SLC7A14: variants seen among roughly 807,000 people sequenced by gnomAD.
SLC7A14 encodes the protein solute carrier family 7 member 14.
In SLC7A14, 37 loss-of-function variants were observed where a neutral mutation model predicts 60.2. The ratio of observed to expected loss-of-function variants is 0.61; its 90% CI spans 0.47 to 0.81. SLC7A14 has a LOEUF of 0.81. Ranked by LOEUF, SLC7A14 falls within the 30% of genes least tolerant of loss-of-function variation. The pLI is 0.00. For synonymous variants in SLC7A14, 399 were observed against 395.8 expected (o/e 1.01, Z -0.10); for missense variants, 886 against 982.7 (o/e 0.90, Z 1.32).
At position 170,486,268 on chromosome 3, in the gene SLC7A14, T is replaced by G; in HGVS notation, c.860A>C (p.Tyr287Ser). Reference sequence around the variant, plus strand: ...GATGACCAGGGAGGCAGTGATAGCATAAGGGATGGACGTGTTGGGATTCTT... The same window carrying G: ...GATGACCAGGGAGGCAGTGATAGCAGAAGGGATGGACGTGTTGGGATTCTT... ...EAKNPNTSIP[Y>S]AITASLVICL... The change falls in exon 5 of 8, where the codon TAT becomes TCT. Residue 287 changes from tyrosine (Y) to serine (S), a missense_variant. Physicochemically the swap from Tyr to Ser is moderately radical, Grantham distance 144 (BLOSUM62 -2). Transcript: ENST00000231706. The G allele has an allele frequency of 6.2e-7, 1 of 1,614,104 alleles. No individual in the cohort carries two copies. The highest frequency in any genetic ancestry group is 8.5e-7 in the Non-Finnish European group (1 of 1,180,024).
At position 170,498,772 on chromosome 3, in the gene SLC7A14, A is replaced by G. The variant is rs1056231439; in HGVS notation, c.654T>C (p.Asn218=). ...ACACCCATACTGCCAGGTTCAGCAC[A>G]TTGAGAACATTGTTGAAGCCTATGG... ...KNSIGFNNVL[N]VLNLAVWVFI... is the part of the protein sequence containing the mutation. Residue 218 remains asparagine, a synonymous_variant, in exon 4 of 8, where the codon AAT becomes AAC. Transcript: ENST00000231706. 2.5e-5 allele frequency: 40 copies of G among 1,614,184 alleles called. No homozygotes were observed. The highest frequency in any genetic ancestry group is 3.3e-5 in the Non-Finnish European group (39 of 1,180,030).
At chr3:170,549,361 C>A (rs569883081) in intron 1 of SLC7A14, among the ~76,000 whole-genome samples, 2 of 152,052 alleles carry the variant, frequency 1.3e-5, no homozygotes, top group Non-Finnish European at 2.9e-5. Flanking sequence ...ACTACAGGCG[C>A]GCACCACCAC....
chr3:170,474,009 G>A (rs1035342889), intron 7 of SLC7A14, among the ~76,000 whole-genome samples: 15 of 152,240 alleles, frequency 9.9e-5, no homozygotes, highest in Admixed American at 7.9e-4. Flanking sequence ...ATACATGTCC[G>A]CGTGTCCACC....
intron 1 of SLC7A14, among the ~76,000 whole-genome samples, chr3:170,573,168 T>G (rs1560284841): frequency 6.6e-6 from 1 of 152,214 alleles, no homozygotes; most frequent in Non-Finnish European, 1.5e-5. Flanking sequence ...CAGATCATAG[T>G]GCCCTCTGAA....
chr3:170,552,000 A>G (rs976385024), intron 1 of SLC7A14, among the ~76,000 whole-genome samples: 3 of 152,210 alleles, frequency 2.0e-5, no homozygotes, highest in African/African-American at 7.2e-5. Flanking sequence ...CCAAAATTAC[A>G]AAGACTTATG....
intron 2 of SLC7A14, among the ~76,000 whole-genome samples, chr3:170,525,311 C>T (rs1348742276): frequency 6.6e-6 from 1 of 152,232 alleles, no homozygotes. Flanking sequence ...GAGGAAAAGG[C>T]AATAGGAGAG....
intron 1 of SLC7A14, among the ~76,000 whole-genome samples, chr3:170,536,015 G>A (rs970629746): frequency 6.6e-6 from 1 of 152,266 alleles, no homozygotes; most frequent in Non-Finnish European, 1.5e-5. Flanking sequence ...AACAATACCC[G>A]CTGTGTCTAC....
intron 4 of SLC7A14, chr3:170,496,229 G>A: frequency 1.1e-6 from 1 of 927,482 alleles, no homozygotes; most frequent in South Asian, 1.3e-5. Context: ...TCAAGGCACA[G>A]TAGGAGGAGA....
chr3:170,510,552 T>C (rs1055499946), intron 2 of SLC7A14, among the ~76,000 whole-genome samples: 1 of 152,206 alleles, frequency 6.6e-6, no homozygotes, highest in East Asian at 1.9e-4. Flanking sequence ...GGTCATGCTA[T>C]TGTTAATAAT....
At chr3:170,491,254 A>T (rs1443160970) in intron 4 of SLC7A14, among the ~76,000 whole-genome samples, 1 of 152,214 alleles carries the variant, frequency 6.6e-6, no homozygotes. Context: ...TGAACAAGAG[A>T]AGGGATGGCA....
intron 2 of SLC7A14, among the ~76,000 whole-genome samples, chr3:170,521,360 A>G (rs2108291109): frequency 6.6e-6 from 1 of 152,378 alleles, no homozygotes; most frequent in East Asian, 1.9e-4. Flanking sequence ...TGCTGTCCAA[A>G]TAGTTTCCAT....
At chr3:170,484,842 G>A (rs936091367) in intron 5 of SLC7A14, among the ~76,000 whole-genome samples, 1 of 152,154 alleles carries the variant, frequency 6.6e-6, no homozygotes, top group African/African-American at 2.4e-5. Context: ...TCTGGGGATG[G>A]GGCAGGGTGG....
chr3:170,576,242 T>A (rs1046002678), intron 1 of SLC7A14, among the ~76,000 whole-genome samples: 2 of 152,198 alleles, frequency 1.3e-5, no homozygotes, highest in African/African-American at 4.8e-5. Context: ...AGATTACTGG[T>A]GACTTGAGGC....
At chr3:170,533,061 C>T (rs1361238207) in intron 1 of SLC7A14, among the ~76,000 whole-genome samples, 3 of 151,342 alleles carry the variant, frequency 2.0e-5, no homozygotes, top group Non-Finnish European at 4.4e-5. Context: ...CAGTTGCCAC[C>T]CCATCCCTGA....
intron 2 of SLC7A14, among the ~76,000 whole-genome samples, chr3:170,524,875 G>A (rs984958020): frequency 5.9e-5 from 9 of 152,186 alleles, no homozygotes; most frequent in African/African-American, 2.2e-4. Flanking sequence ...AAAACCAACA[G>A]GAAAGAGAAG....
rs1390922420 is a variant in SLC7A14 at position 170,498,742 on chromosome 3, G to C, written c.684C>G (p.Ile228Met). 3 of 1,614,058 alleles carry C rather than the reference G, an allele frequency of 1.9e-6. No homozygotes were observed. The highest frequency in any genetic ancestry group is 1.3e-5 in the African/African-American group (1 of 74,914). Residue 228 changes from isoleucine (I) to methionine (M), a missense_variant, in exon 4 of 8, where the codon ATC (isoleucine) becomes ATG (methionine). Coordinates refer to ENST00000231706, the MANE Select transcript of SLC7A14 (RefSeq NM_020949.3). The part of the protein sequence containing the change: ...NVLNLAVWVF[I>M]MIAGLFFING... ...TGATGAAGAAGAGGCCTGCGATCAT[G>C]ATGAACACCCATACTGCCAGGTTCA...
rs1413337684 is a variant in SLC7A14, at chr3:170,486,278, A to G, written c.850T>C (p.Ser284Pro). ...GAGGCAGTGATAGCATAAGGGATGG[A>G]CGTGTTGGGATTCTTGGCTTCCTCT... ...TGEEAKNPNT[S>P]IPYAITASLV... The change falls in exon 5 of 8, where the codon TCC becomes CCC. Residue 284 changes from serine to proline, a missense_variant. Coordinates refer to ENST00000231706, the MANE Select transcript of SLC7A14 (RefSeq NM_020949.3). 2 of 1,614,208 alleles carry G rather than the reference A, an allele frequency of 1.2e-6. No homozygotes were observed. The highest frequency in any genetic ancestry group is 1.7e-6 in the Non-Finnish European group (2 of 1,180,036).
At chr3:170,546,297 T>A (rs904429144) in intron 1 of SLC7A14, among the ~76,000 whole-genome samples, 49 of 152,124 alleles carry the variant, frequency 3.2e-4, no homozygotes, top group African/African-American at 1.2e-3. Context: ...GATAAATGAC[T>A]GAGGGGAACT....
rs117240897 is a variant in SLC7A14, at chr3:170,553,545, C to A, written c.-152-26457G>T. Among the ~76,000 whole-genome samples the A allele has an allele frequency of 1.4e-3, 213 of 152,258 alleles. 1 individual carries two copies. The East Asian group carries it at 0.031, about 22-fold the overall frequency. ...AAATAGCAAGAATTCTTTAATGGGGCAAAGCTTTTTTGTCCAAAAGGAAAG... is the reference window on the plus strand; with the variant it reads ...AAATAGCAAGAATTCTTTAATGGGGAAAAGCTTTTTTGTCCAAAAGGAAAG... On this transcript the variant is annotated intron_variant, in intron 1 of 7. Transcript: ENST00000231706.
Sources: allele counts gnomAD v4.1 joint callset (sites outside exome capture counted in the v4.1 genomes callset), GRCh38; gene constraint gnomAD v4.1.1; transcripts MANE v1.5; gene names NCBI Gene and HGNC (gene_info 2026-07-23, HGNC 2026-07-21).